The following ATRN variants were observed in gnomAD, a reference collection of about 807,000 sequenced individuals.
ATRN encodes the protein attractin, also known as attractin-2.
ATRN carries 54 observed loss-of-function variants against 178.7 expected under a neutral mutation model. The ratio of observed to expected loss-of-function variants is 0.30; its 90% CI spans 0.24 to 0.38. The LOEUF is 0.38. Ranked by LOEUF, ATRN falls within the 10% of genes least tolerant of loss-of-function variation. The probability of loss-of-function intolerance (pLI) is 1.00; values close to 1 mark genes in which losing one functional copy is unlikely to be tolerated. For synonymous variants in ATRN, 636 were observed against 663.0 expected (o/e 0.96, Z 0.63); for missense variants, 1,443 against 1,815.1 (o/e 0.79, Z 3.73).
intron 1 of ATRN, among the ~76,000 whole-genome samples, chr20:3,528,957 C>T (rs117460285): frequency 0.04 from 6,065 of 152,028 alleles, 159 homozygotes; most frequent in Non-Finnish European, 0.058. Context: ...GGACTACAGG[C>T]GCATACCACC....
chr20:3,472,722 T>C (rs552984614), intron 1 of ATRN, among the ~76,000 whole-genome samples: 1 of 152,280 alleles, frequency 6.6e-6, no homozygotes, highest in South Asian at 2.1e-4. Flanking sequence ...GGAGAGGTTG[T>C]GGCTAGCTGG....
chr20:3,494,889 A>G (rs2084857348), intron 1 of ATRN, among the ~76,000 whole-genome samples: 2 of 152,130 alleles, frequency 1.3e-5, no homozygotes, highest in South Asian at 4.1e-4. Flanking sequence ...GGACTTGTCC[A>G]TTGCTTTTAT....
At chr20:3,482,106 A>G (rs544168465) in intron 1 of ATRN, among the ~76,000 whole-genome samples, 1 of 152,056 alleles carries the variant, frequency 6.6e-6, no homozygotes, top group South Asian at 2.1e-4. Flanking sequence ...TTTTTAAGAT[A>G]ATTTTAAATA....
At chr20:3,611,438 C>G (rs191426197) in intron 24 of ATRN, among the ~76,000 whole-genome samples, 1 of 152,086 alleles carries the variant, frequency 6.6e-6, no homozygotes, top group East Asian at 1.9e-4. Context: ...AAAAGATGAT[C>G]GGCATCAATA....
chr20:3,478,470 A>G (rs1407080073), intron 1 of ATRN, among the ~76,000 whole-genome samples: 2 of 152,166 alleles, frequency 1.3e-5, no homozygotes, highest in Admixed American at 6.5e-5. Context: ...ACAGAAAACC[A>G]AACACCGCAT....
At chr20:3,584,405 A>G (rs1293322824) in intron 17 of ATRN, among the ~76,000 whole-genome samples, 1 of 152,260 alleles carries the variant, frequency 6.6e-6, no homozygotes, top group Non-Finnish European at 1.5e-5. Flanking sequence ...ATGCTTTCCA[A>G]TAGATAATCT....
At chr20:3,580,974 G>T (rs977133506) in intron 15 of ATRN, among the ~76,000 whole-genome samples, 3 of 152,212 alleles carry the variant, frequency 2.0e-5, no homozygotes, top group Non-Finnish European at 4.4e-5. Context: ...GGGTGTGGTG[G>T]CTCCTGCCTG....
chr20:3,569,900 A>G lies in ATRN; in HGVS notation c.1872-2831A>G, dbSNP rs867530203. On this transcript the variant is annotated intron_variant, in intron 11 of 28. Coordinates refer to ENST00000262919, the MANE Select transcript of ATRN (RefSeq NM_139321.3). ...AGCCTGGGCAACACAGCAAGACCTC[A>G]TCTCTACTAGAAATACAAAAATTAG... Among the ~76,000 whole-genome samples the G allele has an allele frequency of 3.9e-5, 6 of 152,164 alleles. No individual in the cohort carries two copies. The South Asian group carries it at 1.0e-3, about 26-fold the overall frequency.
intron 24 of ATRN, among the ~76,000 whole-genome samples, chr20:3,613,313 C>T (rs567511820): frequency 2.0e-5 from 3 of 152,232 alleles, no homozygotes; most frequent in East Asian, 1.9e-4. Flanking sequence ...CCCGTGTCAC[C>T]GTGTGTTCTC....
At chr20:3,484,298 T>C (rs1231707859) in intron 1 of ATRN, among the ~76,000 whole-genome samples, 1 of 151,840 alleles carries the variant, frequency 6.6e-6, no homozygotes, top group East Asian at 1.9e-4. Flanking sequence ...TAGTAAATGT[T>C]ATTATTCTTT....
chr20:3,495,455 A>G (rs1191638462), intron 1 of ATRN, among the ~76,000 whole-genome samples: 3 of 152,186 alleles, frequency 2.0e-5, no homozygotes, highest in Non-Finnish European at 4.4e-5. Context: ...ACCCTGTATC[A>G]GGGGTTTGGG....
intron 20 of ATRN, among the ~76,000 whole-genome samples, chr20:3,595,304 G>A (rs235531): frequency 0.75 from 114,647 of 152,162 alleles, 43,630 homozygotes; most frequent in East Asian, 1. Context: ...GCATGTATCC[G>A]CATTTACTCA....
intron 2 of ATRN, among the ~76,000 whole-genome samples, chr20:3,537,468 G>A (rs2085552434): frequency 6.7e-6 from 1 of 149,002 alleles, no homozygotes; most frequent in Non-Finnish European, 1.5e-5. Flanking sequence ...AGCAAAAGAA[G>A]TGTTTTATAT....
chr20:3,587,545 A>G (rs949813008), intron 18 of ATRN, among the ~76,000 whole-genome samples: 3 of 151,770 alleles, frequency 2.0e-5, no homozygotes, highest in Non-Finnish European at 4.4e-5. Context: ...CTGTGAATCT[A>G]GGAACTTTTT....
intron 5 of ATRN, 30 bp from the exon 6 acceptor site, chr20:3,549,140 T>C: frequency 6.5e-7 from 1 of 1,548,822 alleles, no homozygotes. Flanking sequence ...AGCTGTCTTT[T>C]GTGAAGCTAA....
intron 25 of ATRN, among the ~76,000 whole-genome samples, chr20:3,630,457 T>C (rs1030611490): frequency 6.6e-6 from 1 of 152,122 alleles, no homozygotes; most frequent in African/African-American, 2.4e-5. Flanking sequence ...GGAGGAACCA[T>C]AGGCACCAAC....
chr20:3,531,499 A>C (rs2085452696), intron 1 of ATRN, among the ~76,000 whole-genome samples: 1 of 152,194 alleles, frequency 6.6e-6, no homozygotes, highest in Admixed American at 6.5e-5. Context: ...AATGAACATT[A>C]GTAGGGAAAG....
At chr20:3,562,186 T>A (rs2085962075) in intron 8 of ATRN, 90 bp from the exon 9 acceptor site, 4 of 1,104,364 alleles carry the variant, frequency 3.6e-6, no homozygotes, top group Non-Finnish European at 5.2e-6. Flanking sequence ...TCTCCTGAAA[T>A]CCATTCTCAT....
intron 1 of ATRN, among the ~76,000 whole-genome samples, chr20:3,483,170 CAT>C (rs2084644902): frequency 6.6e-6 from 1 of 152,144 alleles, no homozygotes. Context: ...TTCCCAAAAA[CAT>C]GTAGCATTTT....
Sources: allele counts gnomAD v4.1 joint callset (sites outside exome capture counted in the v4.1 genomes callset), GRCh38; gene constraint gnomAD v4.1.1; transcripts MANE v1.5; gene names NCBI Gene and HGNC (gene_info 2026-07-23, HGNC 2026-07-21).